The following CHRAC1 variants were observed in gnomAD, a reference collection of about 807,000 sequenced individuals.
CHRAC1 encodes chromatin accessibility complex subunit 1.
Under a neutral mutation model 9.1 loss-of-function variants are expected in CHRAC1, and 6 were observed. That is an observed-to-expected ratio of 0.66 (90% CI 0.36 to 1.29). The LOEUF (loss-of-function observed/expected upper bound fraction) is 1.29. Ranked by LOEUF, CHRAC1 falls within the 50% of genes most tolerant of loss-of-function variation. CHRAC1 has a pLI of 0.03. For missense variants in CHRAC1, 168 were observed against 163.5 expected, an observed-to-expected ratio of 1.03 and a Z score of -0.15; for synonymous variants, 73 against 64.5, an observed-to-expected ratio of 1.13 and a Z score of -0.63.
chr8:140,511,996 G>A (rs2072281243), intron 1 of CHRAC1: 2 of 1,262,992 alleles, frequency 1.6e-6, no homozygotes, highest in African/African-American at 3.2e-5. Context: ...TCCTCCCGCC[G>A]TTTCTCTCGC....
chr8:140,514,871 G>A (rs768672471), intron 2 of CHRAC1: 2 of 397,148 alleles, frequency 5.0e-6, no homozygotes, highest in South Asian at 3.3e-5. Context: ...TCAGGTAGTC[G>A]GGCAGGGTTG....
At position 140,515,464 on chromosome 8, in the gene CHRAC1, C is replaced by A; in HGVS notation, c.*217C>A. The A allele has an allele frequency of 2.6e-6, 1 of 378,456 alleles. No homozygotes were observed. The highest frequency in any genetic ancestry group is 4.7e-6 in the Non-Finnish European group (1 of 213,376). The allele number at this position is 378,456 out of a possible 1,614,324, so 23.4% of individuals were successfully genotyped here. On this transcript the variant is annotated 3_prime_UTR_variant, in exon 3 of 3. Coordinates refer to ENST00000220913, the MANE Select transcript of CHRAC1 (RefSeq NM_017444.6). ...AGGGAAAGCGACCCAGACAGCAGCC[C>A]CTCCTCGACAGGCCCACCCTGCAGC...
At chr8:140,514,616 G>T in intron 2 of CHRAC1, 121 bp downstream of exon 2, 2 of 709,446 alleles carry the variant, frequency 2.8e-6, no homozygotes, top group South Asian at 4.5e-5. Context: ...TTTCCAAGCC[G>T]CAAAGTACTA....
chr8:140,513,005 A>G (rs1434363570), intron 1 of CHRAC1, among the ~76,000 whole-genome samples: 3 of 152,122 alleles, frequency 2.0e-5, no homozygotes, highest in East Asian at 1.9e-4. Flanking sequence ...TTTGGTAGAG[A>G]CAGGGTTTCA....
At chr8:140,511,781 C>G in intron 1 of CHRAC1, 135 bp downstream of exon 1, 1 of 924,060 alleles carries the variant, frequency 1.1e-6, no homozygotes, top group Non-Finnish European at 1.5e-6. Context: ...GCCCCGCTGT[C>G]CCCGTCCCAC....
At chr8:140,512,594 C>A (rs1459098445) in intron 1 of CHRAC1, among the ~76,000 whole-genome samples, 6 of 152,176 alleles carry the variant, frequency 3.9e-5, no homozygotes, top group Non-Finnish European at 5.9e-5. Context: ...GTCTTGGATT[C>A]TATTTTCCAG....
In CHRAC1 at chr8:140,511,392, C is replaced by G; in HGVS notation, c.-108C>G. On this transcript the variant is annotated 5_prime_UTR_variant, in exon 1 of 3. Transcript: ENST00000220913. ...GGCCTCGCCTCCCCACACTACAACT[C>G]CCACGGGGCAGCGGGCGCGGCTCCC... 9.5e-7 allele frequency: 1 copy of G among 1,057,188 alleles called. No homozygotes were observed. The highest frequency in any genetic ancestry group is 1.2e-6 in the Non-Finnish European group (1 of 810,584). The allele number at this position is 1,057,188 out of a possible 1,614,324, so 65.5% of individuals were successfully genotyped here. A position where few individuals can be genotyped will look rare whatever the true frequency, so the allele number is the denominator to read the frequency against.
At chr8:140,513,444 C>CTT (rs368248267) in intron 1 of CHRAC1, among the ~76,000 whole-genome samples, 2 of 150,392 alleles carry the variant, frequency 1.3e-5, no homozygotes, top group African/African-American at 2.4e-5. Context: ...ATTTTTTTTT[C>CTT]TTTTTTTTTG....
Position 140,511,475 on chromosome 8 carries a change from G to C in CHRAC1, c.-25G>C, listed in dbSNP as rs1245990144. The C allele has an allele frequency of 7.6e-7, 1 of 1,309,426 alleles. No homozygotes were observed. The highest frequency in any genetic ancestry group is 9.8e-7 in the Non-Finnish European group (1 of 1,017,070). 81.1% of individuals were successfully genotyped at this position (1,309,426 alleles called of 1,614,324 possible). A position where few individuals can be genotyped will look rare whatever the true frequency, so the allele number is the denominator to read the frequency against. ...CTTCGCGGTCGGGCCCGCCGGCTGC[G>C]GGCACCCGCGCGACGGGCGGGAAGA... is the stretch of plus-strand genomic sequence containing the variant. On this transcript the variant is annotated 5_prime_UTR_variant, in exon 1 of 3. Transcript: ENST00000220913.
At chr8:140,513,706 C>G (rs1414106479) in intron 1 of CHRAC1, among the ~76,000 whole-genome samples, 3 of 152,138 alleles carry the variant, frequency 2.0e-5, no homozygotes, top group Non-Finnish European at 4.4e-5. Flanking sequence ...CTTGGCCTCC[C>G]AAAGTGCTGG....
intron 1 of CHRAC1, among the ~76,000 whole-genome samples, chr8:140,513,043 C>G (rs1477068400): frequency 6.6e-6 from 1 of 152,216 alleles, no homozygotes; most frequent in African/African-American, 2.4e-5. Context: ...GTCTTGAACT[C>G]CTGACCTCAG....
At chr8:140,514,736 C>A (rs771883518) in intron 2 of CHRAC1, 13 of 399,272 alleles carry the variant, frequency 3.3e-5, no homozygotes, top group Non-Finnish European at 4.0e-5. Flanking sequence ...GTTGGTTGGC[C>A]GCGTATGCTG....
intron 2 of CHRAC1, 199 bp from the exon 3 acceptor site, chr8:140,514,927 A>G (rs2072318500): frequency 2.0e-6 from 1 of 511,648 alleles, no homozygotes; most frequent in East Asian, 3.5e-5. Flanking sequence ...TACTCATTGG[A>G]CTGGAAAGAG....
chr8:140,514,849 G>A, intron 2 of CHRAC1: 1 of 385,442 alleles, frequency 2.6e-6, no homozygotes, highest in Non-Finnish European at 4.7e-6. Context: ...CCTGGGGCTA[G>A]CCTAGGCTAT....
chr8:140,511,660 GC>G lies in CHRAC1; in HGVS notation c.147+15del. ...GCCAAGGCCACGGTGAGGGGGCAGG[GC>G]GGGGGTGTGGGCCGCCCTTACCCCT... is the stretch of plus-strand genomic sequence containing the variant. On this transcript the variant is annotated intron_variant, in intron 1 of 2. Coordinates refer to ENST00000220913, the MANE Select transcript of CHRAC1 (RefSeq NM_017444.6). The G allele has an allele frequency of 7.2e-7, 1 of 1,383,326 alleles. No homozygotes were observed. Among genetic ancestry groups the G allele is most frequent in the Non-Finnish European group, 9.4e-7 (1 of 1,061,520 alleles). 85.7% of individuals were successfully genotyped at this position (1,383,326 alleles called of 1,614,324 possible).
At chr8:140,514,978 T>TC in intron 2 of CHRAC1, 148 bp from the exon 3 acceptor site, 1 of 762,268 alleles carries the variant, frequency 1.3e-6, no homozygotes, top group East Asian at 2.6e-5. Flanking sequence ...GTTTCTTTGA[T>TC]ATTTTACCCA....
intron 1 of CHRAC1, 30 bp from the exon 2 acceptor site, chr8:140,514,339 C>G (rs1459846479): frequency 6.4e-7 from 1 of 1,559,238 alleles, no homozygotes; most frequent in African/African-American, 1.4e-5. Context: ...CAAAGCACAC[C>G]TTTCATTTGC....
chr8:140,513,786 T>TA (rs1431173685), intron 1 of CHRAC1, among the ~76,000 whole-genome samples: 2 of 152,034 alleles, frequency 1.3e-5, no homozygotes, highest in Admixed American at 6.6e-5. Context: ...ATTAAACAGT[T>TA]ACGATTCATC....
At chr8:140,513,506 G>A (rs890614187) in intron 1 of CHRAC1, among the ~76,000 whole-genome samples, 1 of 152,064 alleles carries the variant, frequency 6.6e-6, no homozygotes, top group Admixed American at 6.5e-5. Flanking sequence ...CGCGATCTCG[G>A]CTCACTGCAA....
Sources: allele counts gnomAD v4.1 joint callset (sites outside exome capture counted in the v4.1 genomes callset), GRCh38; gene constraint gnomAD v4.1.1; transcripts MANE v1.5; gene names NCBI Gene and HGNC (gene_info 2026-07-23, HGNC 2026-07-21).